STXBP4: variants seen among roughly 807,000 people sequenced by gnomAD.
STXBP4 encodes syntaxin-binding protein 4.
A neutral mutation model predicts 76.1 loss-of-function variants in STXBP4; 55 were observed. That is an observed-to-expected ratio of 0.72 (90% CI 0.58 to 0.91). STXBP4 has a LOEUF of 0.91. STXBP4 is among the 40% of genes least tolerant of loss of function. The pLI is 0.00. For missense variants in STXBP4, 618 were observed against 636.9 expected, an observed-to-expected ratio of 0.97 and a Z score of 0.32; for synonymous variants, 201 against 220.2, an observed-to-expected ratio of 0.91 and a Z score of 0.77.
At chr17:55,204,813 AACAC>A in the STXBP4 span, among the ~76,000 whole-genome samples, 180 of 73,138 alleles carry the variant, frequency 2.5e-3, no homozygotes, top group Non-Finnish European at 3.3e-3. Context: ...TTCAAGATTA[AACAC>A]ACACACACAC....
At chr17:54,981,710 A>C (rs1026246738) in intron 1 of STXBP4, among the ~76,000 whole-genome samples, 2 of 152,150 alleles carry the variant, frequency 1.3e-5, no homozygotes, top group Non-Finnish European at 2.9e-5. Context: ...TAAGTTAGCC[A>C]CAAACTTTTG....
At chr17:55,127,219 G>A (rs2079922151) in intron 16 of STXBP4, among the ~76,000 whole-genome samples, 1 of 152,162 alleles carries the variant, frequency 6.6e-6, no homozygotes, top group South Asian at 2.1e-4. Context: ...CTGAAATGTG[G>A]AATAAATAGA....
At chr17:55,046,457 T>C (rs1470828486) in intron 11 of STXBP4, among the ~76,000 whole-genome samples, 1 of 152,010 alleles carries the variant, frequency 6.6e-6, no homozygotes, top group Non-Finnish European at 1.5e-5. Flanking sequence ...TAAATTACTC[T>C]TAGTATTTCT....
intron 15 of STXBP4, 24 bp from the exon 16 acceptor site, chr17:55,081,026 A>G: frequency 7.0e-7 from 1 of 1,438,490 alleles, no homozygotes; most frequent in Non-Finnish European, 9.1e-7. Flanking sequence ...TAGTAAGTTC[A>G]ACTTTATTTT....
At chr17:55,121,594 T>C (rs548346081) in intron 16 of STXBP4, among the ~76,000 whole-genome samples, 1 of 152,140 alleles carries the variant, frequency 6.6e-6, no homozygotes. Flanking sequence ...CTTAATCCAC[T>C]CTTCTGTTGT....
intron 16 of STXBP4, among the ~76,000 whole-genome samples, chr17:55,135,286 T>C (rs1462222228): frequency 6.6e-6 from 1 of 152,164 alleles, no homozygotes; most frequent in Non-Finnish European, 1.5e-5. Flanking sequence ...ATAGCTCATA[T>C]CTAATTACGT....
intron 16 of STXBP4, among the ~76,000 whole-genome samples, chr17:55,115,022 A>T (rs9905285): frequency 1.3e-5 from 2 of 151,926 alleles, no homozygotes; most frequent in East Asian, 3.9e-4. Flanking sequence ...GCCCTGTCCT[A>T]ATATTGTAAT....
At chr17:55,136,543 T>C (rs2080030217) in intron 16 of STXBP4, among the ~76,000 whole-genome samples, 1 of 152,180 alleles carries the variant, frequency 6.6e-6, no homozygotes, top group South Asian at 2.1e-4. Context: ...CTGTTGTATC[T>C]AAGAATTGTA....
At chr17:54,979,644 A>G (rs933785187) in intron 1 of STXBP4, among the ~76,000 whole-genome samples, 45 of 152,182 alleles carry the variant, frequency 3.0e-4, no homozygotes, top group African/African-American at 1.1e-3. Context: ...CATTTTATCA[A>G]GATAATTTAG....
intron 7 of STXBP4, among the ~76,000 whole-genome samples, 158 bp from the exon 8 acceptor site, chr17:55,007,348 A>G (rs1198558830): frequency 1.3e-5 from 2 of 152,050 alleles, no homozygotes; most frequent in Non-Finnish European, 2.9e-5. Flanking sequence ...CCAAAAAAAA[A>G]AAAGAAAAGA....
At chr17:55,122,110 C>G (rs773660354) in intron 16 of STXBP4, among the ~76,000 whole-genome samples, 1 of 152,152 alleles carries the variant, frequency 6.6e-6, no homozygotes, top group African/African-American at 2.4e-5. Flanking sequence ...TAAATCCCTC[C>G]AGACAATATT....
intron 8 of STXBP4, among the ~76,000 whole-genome samples, chr17:55,028,753 A>G (rs1199428444): frequency 6.6e-6 from 1 of 152,220 alleles, no homozygotes; most frequent in Non-Finnish European, 1.5e-5. Flanking sequence ...ACTTGTAATT[A>G]GGGGAATTCA....
chr17:55,202,238 G>A, the STXBP4 span, among the ~76,000 whole-genome samples: 1 of 151,754 alleles, frequency 6.6e-6, no homozygotes, highest in Non-Finnish European at 1.5e-5. Context: ...CTGCTCTTAT[G>A]GTCTCTCAAT....
intron 16 of STXBP4, among the ~76,000 whole-genome samples, chr17:55,090,249 C>G (rs1188294641): frequency 6.6e-6 from 1 of 151,886 alleles, no homozygotes; most frequent in Non-Finnish European, 1.5e-5. Flanking sequence ...AGCAGAAGGA[C>G]AACTGGGGCT....
chr17:55,118,482 A>G (rs2079807807), intron 16 of STXBP4, among the ~76,000 whole-genome samples: 1 of 152,040 alleles, frequency 6.6e-6, no homozygotes, highest in Admixed American at 6.6e-5. Flanking sequence ...GAAAAAATTA[A>G]GTATAAGTTG....
intron 12 of STXBP4, among the ~76,000 whole-genome samples, chr17:55,060,588 T>A (rs892380736): frequency 6.6e-6 from 1 of 152,150 alleles, no homozygotes; most frequent in African/African-American, 2.4e-5. Flanking sequence ...ACTGGAAGGA[T>A]CACCTTCATT....
chr17:55,022,506 A>G (rs1164130361), intron 8 of STXBP4, among the ~76,000 whole-genome samples: 1 of 152,206 alleles, frequency 6.6e-6, no homozygotes, highest in Non-Finnish European at 1.5e-5. Context: ...AATTGGTGGT[A>G]TACAAGACAA....
intron 17 of STXBP4, among the ~76,000 whole-genome samples, chr17:55,147,782 CTCTG>C (rs1208471855): frequency 6.6e-6 from 1 of 152,188 alleles, no homozygotes; most frequent in Non-Finnish European, 1.5e-5. Context: ...CTCATGCCAT[CTCTG>C]TCTGTTGATA....
the STXBP4 span, among the ~76,000 whole-genome samples, chr17:55,185,245 T>TCTTCTCCTTCTCCTTCTC: frequency 2.1e-4 from 12 of 57,978 alleles, no homozygotes; most frequent in East Asian, 5.1e-4. Context: ...TTCTTCTTCT[T>TCTTCTCCTTCTCCTTCTC]CTTCTCCTTC....
Sources: gnomAD v4.1 joint callset for allele counts (sites outside exome capture counted in the v4.1 genomes callset) on GRCh38, gnomAD v4.1.1 for gene constraint, MANE v1.5 for transcripts, NCBI Gene and HGNC (gene_info 2026-07-23, HGNC 2026-07-21) for gene names.